Variants in LRRTM4 observed in about 807,000 individuals in gnomAD.
The protein encoded by LRRTM4 is leucine-rich repeat transmembrane neuronal protein 4.
In LRRTM4, 25 loss-of-function variants were observed where a neutral mutation model predicts 47.6. That is an observed-to-expected ratio of 0.53 (90% confidence interval 0.38 to 0.73). The LOEUF (loss-of-function observed/expected upper bound fraction) is 0.73. Ranked by LOEUF, LRRTM4 falls within the 30% of genes least tolerant of loss-of-function variation. LRRTM4 has a pLI of 0.00. For missense variants in LRRTM4, 638 were observed against 713.4 expected, an observed-to-expected ratio of 0.89 and a Z score of 1.20; for synonymous variants, 311 against 269.5, an observed-to-expected ratio of 1.15 and a Z score of -1.51.
intron 3 of LRRTM4, among the ~76,000 whole-genome samples, chr2:77,252,547 AG>A (rs1214139603): frequency 1.3e-5 from 2 of 148,896 alleles, no homozygotes; most frequent in Non-Finnish European, 3.0e-5. Flanking sequence ...AGAAAATTAA[AG>A]TGAATTTAAA....
At chr2:77,100,442 C>CT (rs375575733) in intron 3 of LRRTM4, among the ~76,000 whole-genome samples, 9 of 152,228 alleles carry the variant, frequency 5.9e-5, no homozygotes, top group African/African-American at 2.2e-4. Flanking sequence ...ACCTTTAGCT[C>CT]TAATACTAGC....
chr2:76,870,972 G>C (rs1027185030), intron 3 of LRRTM4, among the ~76,000 whole-genome samples: 1 of 152,124 alleles, frequency 6.6e-6, no homozygotes, highest in Non-Finnish European at 1.5e-5. Flanking sequence ...AATGAATCCA[G>C]AATAAGTCCA....
At chr2:76,914,103 G>T (rs1674163436) in intron 3 of LRRTM4, among the ~76,000 whole-genome samples, 1 of 151,806 alleles carries the variant, frequency 6.6e-6, no homozygotes, top group Non-Finnish European at 1.5e-5. Context: ...ACTGGGATTA[G>T]TCTTAGACAA....
In LRRTM4 at chr2:77,307,650, A is replaced by G. The variant is rs1242866891; in HGVS notation, c.1551+210668T>C. Among the ~76,000 whole-genome samples, 502 of 53,572 alleles carry G rather than the reference A, an allele frequency of 9.4e-3. 7 individuals are homozygous for G. Among genetic ancestry groups the G allele is most frequent in the Non-Finnish European group, 8.7e-3 (326 of 37,618 alleles). 35.1% of individuals were successfully genotyped at this position (53,572 alleles called of 152,430 possible). A position where few individuals can be genotyped will look rare whatever the true frequency, so the allele number is the denominator to read the frequency against. The stretch of plus-strand genomic sequence containing the variant: ...GAAATATAAATATATAGATATATCT[A>G]TATATTATAGAAATATAAATATATA... On this transcript the variant is annotated intron_variant, in intron 3 of 3. Transcript: ENST00000409884.
chr2:77,144,623 TA>T (rs1268874740), intron 3 of LRRTM4, among the ~76,000 whole-genome samples: 1 of 152,006 alleles, frequency 6.6e-6, no homozygotes, highest in Admixed American at 6.6e-5. Context: ...ACTAGAAAAA[TA>T]AAACTTCAGA....
chr2:77,089,409 C>T (rs909386685), intron 3 of LRRTM4, among the ~76,000 whole-genome samples: 1 of 151,692 alleles, frequency 6.6e-6, no homozygotes, highest in Non-Finnish European at 1.5e-5. Context: ...TATCTCTGTG[C>T]CCCAATCCCT....
chr2:77,175,124 C>T (rs759928614), intron 3 of LRRTM4, among the ~76,000 whole-genome samples: 1 of 146,852 alleles, frequency 6.8e-6, no homozygotes, highest in African/African-American at 2.6e-5. Flanking sequence ...GGCTGGAGTA[C>T]AGTGACCCTA....
intron 3 of LRRTM4, among the ~76,000 whole-genome samples, chr2:77,254,186 A>C (rs1185134926): frequency 6.6e-6 from 1 of 151,990 alleles, no homozygotes; most frequent in Non-Finnish European, 1.5e-5. Context: ...TTACCTTTAG[A>C]GGATAAACAT....
At chr2:77,381,610 T>A (rs1673054347) in intron 3 of LRRTM4, among the ~76,000 whole-genome samples, 1 of 152,032 alleles carries the variant, frequency 6.6e-6, no homozygotes, top group Admixed American at 6.6e-5. Context: ...CTTCATATGA[T>A]GAAGATTTTA....
At chr2:77,065,098 T>C (rs1199828474) in intron 3 of LRRTM4, among the ~76,000 whole-genome samples, 2 of 152,204 alleles carry the variant, frequency 1.3e-5, no homozygotes, top group African/African-American at 4.8e-5. Context: ...CAACCATGTA[T>C]CAAGTATTAT....
At position 77,517,661 on chromosome 2, in the gene LRRTM4, A is replaced by T. The variant is rs144927650; in HGVS notation, c.1551+657T>A. The stretch of plus-strand genomic sequence containing the variant: ...AAAAGAAGGAAGAGAAAGGAAGGAA[A>T]GGAAGGAGTGAAAGAAAGTAGGAAA... On this transcript the variant is annotated intron_variant, in intron 3 of 3. Transcript: ENST00000409884. 7.7e-4 allele frequency: 750 copies of T among 978,018 alleles called. 5 individuals are homozygous for T. In the African/African-American group the frequency reaches 0.012, roughly 16 times the overall value. 60.6% of individuals were successfully genotyped at this position (978,018 alleles called of 1,614,324 possible). A position where few individuals can be genotyped will look rare whatever the true frequency, so the allele number is the denominator to read the frequency against.
intron 3 of LRRTM4, among the ~76,000 whole-genome samples, chr2:77,021,695 C>CA (rs1558802746): frequency 1.3e-5 from 2 of 152,098 alleles, no homozygotes; most frequent in African/African-American, 4.8e-5. Context: ...GGGAGGTTAG[C>CA]AAAAGAAAGT....
At chr2:77,469,861 T>C (rs1677118901) in intron 3 of LRRTM4, among the ~76,000 whole-genome samples, 1 of 152,100 alleles carries the variant, frequency 6.6e-6, no homozygotes, top group South Asian at 2.1e-4. Flanking sequence ...TTTATACAGA[T>C]CCTAAGGGCA....
chr2:77,429,234 G>A (rs1228284316), intron 3 of LRRTM4, among the ~76,000 whole-genome samples: 2 of 152,028 alleles, frequency 1.3e-5, no homozygotes, highest in East Asian at 1.9e-4. Flanking sequence ...TCCAGATACG[G>A]AATAATCGAT....
intron 3 of LRRTM4, among the ~76,000 whole-genome samples, chr2:77,385,009 C>A (rs1433199783): frequency 6.6e-6 from 1 of 151,990 alleles, no homozygotes; most frequent in Admixed American, 6.6e-5. Flanking sequence ...TGTTAATTCT[C>A]TAAATGCCAT....
intron 3 of LRRTM4, chr2:77,009,781 C>T (rs929641408): frequency 6.6e-6 from 1 of 152,068 alleles, no homozygotes; most frequent in South Asian, 2.1e-4. Context: ...CCAATAAATT[C>T]ATGCCTCTTA....
chr2:77,323,975 A>G (rs1670654186), intron 3 of LRRTM4, among the ~76,000 whole-genome samples: 1 of 152,180 alleles, frequency 6.6e-6, no homozygotes, highest in African/African-American at 2.4e-5. Context: ...ATTATTAGAC[A>G]ATAAATATTA....
intron 3 of LRRTM4, among the ~76,000 whole-genome samples, chr2:77,095,480 A>T (rs995588259): frequency 6.6e-6 from 1 of 151,674 alleles, no homozygotes; most frequent in Admixed American, 6.6e-5. Context: ...TATTCATAAT[A>T]ACCAAAATAT....
At chr2:76,782,749 A>C (rs1350799767) in intron 3 of LRRTM4, among the ~76,000 whole-genome samples, 1 of 152,188 alleles carries the variant, frequency 6.6e-6, no homozygotes, top group Non-Finnish European at 1.5e-5. Flanking sequence ...ATATTTATTG[A>C]AGAAATCCAC....
Sources: gnomAD v4.1 joint callset for allele counts (sites outside exome capture counted in the v4.1 genomes callset) on GRCh38, gnomAD v4.1.1 for gene constraint, MANE v1.5 for transcripts, NCBI Gene and HGNC (gene_info 2026-07-23, HGNC 2026-07-21) for gene names.